Variants in PCDHGB3 observed in about 807,000 individuals in gnomAD.
PCDHGB3 encodes the protein protocadherin gamma subfamily B, 3.
PCDHGB3 carries 40 observed loss-of-function variants against 59.2 expected under a neutral mutation model. The ratio of observed to expected loss-of-function variants is 0.68; its 90% CI spans 0.52 to 0.88. PCDHGB3 has a LOEUF of 0.88. Among genes scored for constraint, PCDHGB3 ranks in the 40% least tolerant of loss-of-function variants. The pLI is 0.00. For missense variants in PCDHGB3, 1,309 were observed against 1,187.9 expected, an observed-to-expected ratio of 1.10 and a Z score of -1.50; for synonymous variants, 581 against 503.6, an observed-to-expected ratio of 1.15 and a Z score of -2.06.
rs762661083 is a variant in PCDHGB3, at chr5:141,372,483, GC to G, written c.2091del (p.Leu698Ter). On this transcript the variant is annotated frameshift_variant, in exon 1 of 4. Coordinates refer to ENST00000576222, the MANE Select transcript of PCDHGB3 (RefSeq NM_018924.5). LOFTEE classifies it high-confidence loss of function. ...ELQFHLVVALALISVLFLLAV... is the reference protein window; with the variant it reads ...ELQFHLVVALXLISVLFLLAV... ...ACAGTTTCACCTAGTAGTGGCGTTG[GC>G]CTTGATCTCAGTGCTCTTCCTCCTC... 1.9e-6 allele frequency: 3 copies of G among 1,614,028 alleles called. No individual in the cohort carries two copies. Among genetic ancestry groups the G allele is most frequent in the Non-Finnish European group, 2.5e-6 (3 of 1,179,900 alleles).
At chr5:141,421,846 G>A (rs1187020807) in intron 1 of PCDHGB3, 2 of 1,613,642 alleles carry the variant, frequency 1.2e-6, no homozygotes, top group East Asian at 4.5e-5. Context: ...AGAGAAAGAG[G>A]CTGCTCACCT....
intron 1 of PCDHGB3, chr5:141,388,815 A>G: frequency 1.2e-6 from 2 of 1,613,992 alleles, no homozygotes; most frequent in Non-Finnish European, 1.7e-6. Flanking sequence ...TGAAGAAGTC[A>G]AAGAATATTC....
intron 1 of PCDHGB3, chr5:141,397,913 G>C (rs1429104427): frequency 1.4e-6 from 1 of 691,886 alleles, no homozygotes; most frequent in African/African-American, 1.8e-5. Flanking sequence ...TGGCGCTCCA[G>C]ATCTCCTCGC....
chr5:141,395,273 A>G, intron 1 of PCDHGB3: 1 of 1,543,700 alleles, frequency 6.5e-7, no homozygotes, highest in Non-Finnish European at 8.7e-7. Context: ...TAATTTCCAG[A>G]TGAATTTTAT....
In PCDHGB3 at chr5:141,490,706, T is replaced by C. The variant is rs777636562; in HGVS notation, c.2416-4101T>C. On this transcript the variant is annotated intron_variant, in intron 1 of 3. Coordinates refer to ENST00000576222, the MANE Select transcript of PCDHGB3 (RefSeq NM_018924.5). This position sits in a 1 kb window ranked among gnomAD's most constrained non-coding sequence, Gnocchi z 5.4. ...CCAGACACTGGGGATAATGCCCGCC[T>C]CACCTACTCCATTGTAGGAAATCAG... is the stretch of plus-strand genomic sequence containing the variant. The C allele has an allele frequency of 6.2e-7, 1 of 1,614,074 alleles. No homozygotes were observed. Among genetic ancestry groups the C allele is most frequent in the African/African-American group, 1.3e-5 (1 of 74,948 alleles).
chr5:141,394,347 G>A lies in PCDHGB3; in HGVS notation c.2415+21538G>A, dbSNP rs770737407. 1.9e-6 allele frequency: 3 copies of A among 1,614,118 alleles called. No homozygotes were observed. The South Asian group carries it at 3.3e-5, about 18-fold the overall frequency. On this transcript the variant is annotated intron_variant, in intron 1 of 3. Coordinates refer to ENST00000576222, the MANE Select transcript of PCDHGB3 (RefSeq NM_018924.5). ...GTATATCTCCATCAACTCTGACACC[G>A]GTGTCCTGTATGCGCTGCAATCTTT...
At chr5:141,480,935 C>G (rs1297213622) in intron 1 of PCDHGB3, among the ~76,000 whole-genome samples, 1 of 152,092 alleles carries the variant, frequency 6.6e-6, no homozygotes, top group Non-Finnish European at 1.5e-5. Flanking sequence ...GTCCCAGCTA[C>G]TCTAGAGGCT....
In PCDHGB3 at chr5:141,431,779, G is replaced by A; in HGVS notation, c.2415+58970G>A. 2 of 1,614,232 alleles carry A rather than the reference G, an allele frequency of 1.2e-6. No individual in the cohort carries two copies. Among genetic ancestry groups the A allele is most frequent in the Non-Finnish European group, 1.7e-6 (2 of 1,180,030 alleles). ...AAGTCCTGATCACTGTTCTGGACGT[G>A]AACGACAATGCCCCAGAAGTGGTCC... On this transcript the variant is annotated intron_variant, in intron 1 of 3. Transcript: ENST00000576222. This position sits in a 1 kb window ranked among gnomAD's most constrained non-coding sequence, Gnocchi z 4.8.
chr5:141,430,913 C>A (rs1485488693), intron 1 of PCDHGB3: 1 of 1,607,720 alleles, frequency 6.2e-7, no homozygotes, highest in East Asian at 2.2e-5. Context: ...CTCCAGGGAC[C>A]TGGGGCTGGA....
chr5:141,452,641 CT>C (rs1351640847), intron 1 of PCDHGB3, among the ~76,000 whole-genome samples: 3 of 151,934 alleles, frequency 2.0e-5, no homozygotes, highest in Admixed American at 1.3e-4. Flanking sequence ...AATATATTTA[CT>C]CATTTGCTCC....
rs149806642 is a variant in PCDHGB3 at position 141,502,449 on chromosome 5, A to T, written c.2475-2944A>T. 7.7e-3 allele frequency among the ~76,000 whole-genome samples: 1,166 copies of T among 151,886 alleles called. 15 individuals carry two copies. The highest frequency in any genetic ancestry group is 0.027 in the African/African-American group (1,103 of 41,308). On this transcript the variant is annotated intron_variant, in intron 2 of 3. Coordinates refer to ENST00000576222, the MANE Select transcript of PCDHGB3 (RefSeq NM_018924.5). The stretch of plus-strand genomic sequence containing the variant: ...TCTGATGGTTAGATTCAGATTACAC[A>T]CCTTGGTAGGAATACTTCCCGCAGC...
Position 141,372,787 on chromosome 5 carries a change from C to A in PCDHGB3, c.2393C>A (p.Ser798Tyr), listed in dbSNP as rs370329594. 1.4e-4 allele frequency: 229 copies of A among 1,603,212 alleles called. No homozygotes were observed. The highest frequency in any genetic ancestry group is 1.9e-4 in the Non-Finnish European group (224 of 1,174,570). ...FESNDNPEMP[S>Y]NSGNLQKQAP... Reference sequence around the variant, plus strand: ...AGTAATGACAATCCAGAAATGCCTTCTAATTCAGGCAATTTGCAAAAGGTG... The same window carrying A: ...AGTAATGACAATCCAGAAATGCCTTATAATTCAGGCAATTTGCAAAAGGTG... The change falls in exon 1 of 4, where the codon TCT becomes TAT. Residue 798 changes from serine (S) to tyrosine (Y), a missense_variant. Ser to Tyr is a moderately radical substitution (Grantham distance 144, BLOSUM62 -2). Coordinates refer to ENST00000576222, the MANE Select transcript of PCDHGB3 (RefSeq NM_018924.5).
At chr5:141,404,476 C>G (rs1453332441) in intron 1 of PCDHGB3, 3 of 1,613,362 alleles carry the variant, frequency 1.9e-6, no homozygotes, top group Non-Finnish European at 2.5e-6. Context: ...TCTCTATTAA[C>G]TCAGACACTG....
Position 141,370,589 on chromosome 5 carries a change from C to A in PCDHGB3, c.195C>A (p.Asn65Lys), listed in dbSNP as rs1373846949. 6.2e-7 allele frequency: 1 copy of A among 1,613,898 alleles called. No individual in the cohort carries two copies. The highest frequency in any genetic ancestry group is 1.1e-5 in the South Asian group (1 of 91,062). The stretch of plus-strand genomic sequence containing the variant: ...GCGTGGGGGATTTACCTACTAGGAA[C>A]CTGCGGGTTATTGCAGAGAAGAAAT... The part of the protein sequence containing the change: ...GFGVGDLPTR[N>K]LRVIAEKKFF... The change falls in exon 1 of 4, where the codon AAC (asparagine) becomes AAA (lysine). Residue 65 changes from asparagine (N) to lysine (K), a missense_variant. Transcript: ENST00000576222.
intron 1 of PCDHGB3, chr5:141,384,679 G>T: frequency 6.2e-7 from 1 of 1,614,216 alleles, no homozygotes; most frequent in Non-Finnish European, 8.5e-7. Context: ...GGTGGTGGCG[G>T]TGGACAAAGA....
rs781591902 is a variant in PCDHGB3, at chr5:141,477,086, G to A, written c.2416-17721G>A. The A allele has an allele frequency of 1.1e-5, 18 of 1,614,128 alleles. No individual in the cohort carries two copies. In the East Asian group the frequency reaches 3.8e-4, roughly 34 times the overall value. The stretch of plus-strand genomic sequence containing the variant: ...CAAACTCCATGAGATTTACATCCAG[G>A]CCAAAGACAAGGGCGCCAATCCCGA... On this transcript the variant is annotated intron_variant, in intron 1 of 3. Coordinates refer to ENST00000576222, the MANE Select transcript of PCDHGB3 (RefSeq NM_018924.5). The surrounding 1 kb of genome is among the most constrained non-coding windows in gnomAD (Gnocchi z 4.9).
intron 1 of PCDHGB3, among the ~76,000 whole-genome samples, chr5:141,453,360 C>T (rs966238012): frequency 6.6e-6 from 1 of 152,000 alleles, no homozygotes; most frequent in Non-Finnish European, 1.5e-5. Context: ...CCCTGAACTC[C>T]TGGGGTCAAG....
intron 1 of PCDHGB3, chr5:141,376,677 T>TTTTTTTTTTG: frequency 9.5e-6 from 1 of 105,324 alleles, no homozygotes; most frequent in Non-Finnish European, 1.5e-5. Flanking sequence ...GAGGGTATCG[T>TTTTTTTTTTG]TTTTTTTTTT....
chr5:141,397,372 G>C (rs1014875277), intron 1 of PCDHGB3, among the ~76,000 whole-genome samples: 1 of 152,012 alleles, frequency 6.6e-6, no homozygotes, highest in Non-Finnish European at 1.5e-5. Context: ...AGATGTTTGG[G>C]GATTGGTATA....
Sources: allele counts gnomAD v4.1 joint callset (sites outside exome capture counted in the v4.1 genomes callset), GRCh38; gene constraint gnomAD v4.1.1; non-coding constraint Gnocchi (gnomAD v3.1); transcripts MANE v1.5; gene names NCBI Gene and HGNC (gene_info 2026-07-23, HGNC 2026-07-21).